TLL1: variants seen among roughly 807,000 people sequenced by gnomAD.
TLL1 encodes tolloid like 1.
TLL1 carries 49 observed loss-of-function variants against 128.2 expected under a neutral mutation model. The ratio of observed to expected loss-of-function variants is 0.38; its 90% CI spans 0.30 to 0.48. The LOEUF (loss-of-function observed/expected upper bound fraction) is 0.48, where lower values mean the gene tolerates loss of function less well. Among genes scored for constraint, TLL1 ranks in the 20% least tolerant of loss-of-function variants. The pLI, the probability that TLL1 is intolerant of heterozygous loss-of-function variation, is 0.96. For synonymous variants in TLL1, 454 were observed against 418.8 expected, an observed-to-expected ratio of 1.08 and a Z score of -1.03; for missense variants, 1,123 against 1,242.0, an observed-to-expected ratio of 0.90 and a Z score of 1.44.
chr4:165,919,049 A>C (rs930710156), intron 1 of TLL1, among the ~76,000 whole-genome samples: 3 of 152,148 alleles, frequency 2.0e-5, no homozygotes, highest in Non-Finnish European at 4.4e-5. Flanking sequence ...GTGTAATAGA[A>C]TAGTTTTAGT....
chr4:165,890,470 G>A (rs965429903), intron 1 of TLL1, among the ~76,000 whole-genome samples: 3 of 152,192 alleles, frequency 2.0e-5, no homozygotes, highest in Non-Finnish European at 4.4e-5. Flanking sequence ...CCTAAATATG[G>A]TGAGGGCTCA....
chr4:165,913,831 T>G (rs1461031357), intron 1 of TLL1, among the ~76,000 whole-genome samples: 3 of 152,054 alleles, frequency 2.0e-5, no homozygotes, highest in Non-Finnish European at 4.4e-5. Flanking sequence ...CTTGGCAACA[T>G]GGTGCAACCC....
rs1390389455 is a variant in TLL1, at chr4:166,048,414, A to G, written c.1524+4995A>G. Among the ~76,000 whole-genome samples, 6 of 152,050 alleles carry G rather than the reference A, an allele frequency of 3.9e-5. No homozygotes were observed. The East Asian group carries it at 9.6e-4, about 24-fold the overall frequency. On this transcript the variant is annotated intron_variant, in intron 12 of 20. Transcript: ENST00000061240. The stretch of plus-strand genomic sequence containing the variant: ...TCGTGGTTTGTAAACCACCCTATCT[A>G]TGATATTTTCTCATAGCATCTGGAA...
At chr4:166,071,495 T>A (rs1375006605) in intron 16 of TLL1, among the ~76,000 whole-genome samples, 1 of 151,890 alleles carries the variant, frequency 6.6e-6, no homozygotes, top group Non-Finnish European at 1.5e-5. Flanking sequence ...TAGCACTAAG[T>A]AAAACACTTT....
chr4:165,917,607 T>C (rs1420551226), intron 1 of TLL1, among the ~76,000 whole-genome samples: 1 of 152,306 alleles, frequency 6.6e-6, no homozygotes, highest in South Asian at 2.1e-4. Context: ...ATTGTTGATA[T>C]TCATCTCTAC....
intron 12 of TLL1, among the ~76,000 whole-genome samples, chr4:166,052,893 A>C (rs1347829426): frequency 1.4e-5 from 2 of 147,320 alleles, no homozygotes. Context: ...GGCCATCTGG[A>C]AATGTTCTCA....
intron 12 of TLL1, among the ~76,000 whole-genome samples, chr4:166,047,594 A>G (rs1223223276): frequency 6.6e-6 from 1 of 151,490 alleles, no homozygotes; most frequent in East Asian, 1.9e-4. Flanking sequence ...TACTTTAAAG[A>G]ACTTCTTAGC....
At chr4:166,029,018 A>G (rs1269420011) in intron 9 of TLL1, among the ~76,000 whole-genome samples, 1 of 151,862 alleles carries the variant, frequency 6.6e-6, no homozygotes, top group Non-Finnish European at 1.5e-5. Context: ...CGTTTAACCC[A>G]TGATGGCAGG....
intron 1 of TLL1, among the ~76,000 whole-genome samples, chr4:165,888,983 G>T (rs2110826855): frequency 6.6e-6 from 1 of 152,192 alleles, no homozygotes; most frequent in African/African-American, 2.4e-5. Context: ...TTAGTCCTCT[G>T]CTTATCTCTC....
intron 18 of TLL1, among the ~76,000 whole-genome samples, chr4:166,087,429 G>A (rs2111153344): frequency 6.6e-6 from 1 of 152,122 alleles, no homozygotes; most frequent in Middle Eastern, 3.4e-3. Context: ...ACTCCATGAC[G>A]CCATTTTTTT....
Position 165,906,664 on chromosome 4 carries a change from A to T in TLL1, c.169+32591A>T, listed in dbSNP as rs72695713. Among the ~76,000 whole-genome samples, 551 of 152,272 alleles carry T rather than the reference A, an allele frequency of 3.6e-3. 3 individuals are homozygous for T. Among genetic ancestry groups the T allele is most frequent in the Non-Finnish European group, 5.8e-3 (391 of 67,998 alleles). On this transcript the variant is annotated intron_variant, in intron 1 of 20. Transcript: ENST00000061240. ...TAATTAATTTGAGATTAATTATTGCAGTTTTTCAGGCTCATCCATGAAAGA... is the reference window on the plus strand; with the variant it reads ...TAATTAATTTGAGATTAATTATTGCTGTTTTTCAGGCTCATCCATGAAAGA...
chr4:165,953,939 G>A (rs984563897), intron 1 of TLL1, among the ~76,000 whole-genome samples: 2 of 152,058 alleles, frequency 1.3e-5, no homozygotes, highest in African/African-American at 4.8e-5. Flanking sequence ...CTTTTCAAAA[G>A]TGATCTTTGT....
chr4:165,897,662 C>CTTTTTTTTTTTTTTTTTTTTT (rs951819686), intron 1 of TLL1, among the ~76,000 whole-genome samples: 2 of 47,516 alleles, frequency 4.2e-5, no homozygotes, highest in African/African-American at 1.8e-4. Flanking sequence ...GGTAGTCCAG[C>CTTTTTTTTTTTTTTTTTTTTT]TTTTTTTTTT....
chr4:165,958,547 T>C (rs1734930497), intron 1 of TLL1, among the ~76,000 whole-genome samples: 1 of 150,662 alleles, frequency 6.6e-6, no homozygotes, highest in African/African-American at 2.5e-5. Flanking sequence ...TGCCCACTTT[T>C]TGATGGGGTT....
At chr4:165,918,600 A>G (rs866050659) in intron 1 of TLL1, among the ~76,000 whole-genome samples, 1 of 151,868 alleles carries the variant, frequency 6.6e-6, no homozygotes, top group Middle Eastern at 3.4e-3. Flanking sequence ...AAGAGGAAAC[A>G]GATCACTGCT....
chr4:165,936,652 T>A (rs778282418), intron 1 of TLL1, among the ~76,000 whole-genome samples: 1 of 152,038 alleles, frequency 6.6e-6, no homozygotes, highest in Non-Finnish European at 1.5e-5. Context: ...AATGTAGAGA[T>A]CTGCCGGTCA....
At chr4:165,963,581 G>A (rs1218311256) in intron 1 of TLL1, among the ~76,000 whole-genome samples, 2 of 151,962 alleles carry the variant, frequency 1.3e-5, no homozygotes, top group East Asian at 1.9e-4. Flanking sequence ...TTTTAATTGA[G>A]AATTGAAGAA....
At chr4:165,989,291 C>T in intron 1 of TLL1, 90 bp from the exon 2 acceptor site, 1 of 979,634 alleles carries the variant, frequency 1.0e-6, no homozygotes, top group Non-Finnish European at 1.6e-6. Flanking sequence ...ACCACGTTTC[C>T]ATATTTTTAA....
At chr4:165,957,267 A>G (rs1190774297) in intron 1 of TLL1, among the ~76,000 whole-genome samples, 1 of 152,142 alleles carries the variant, frequency 6.6e-6, no homozygotes, top group Non-Finnish European at 1.5e-5. Context: ...AGGGCATTAC[A>G]TAGTGGTAAA....
Sources: allele counts gnomAD v4.1 joint callset (sites outside exome capture counted in the v4.1 genomes callset), GRCh38; gene constraint gnomAD v4.1.1; transcripts MANE v1.5; gene names NCBI Gene and HGNC (gene_info 2026-07-23, HGNC 2026-07-21).